Variants in BFAR observed in about 807,000 individuals in gnomAD.
BFAR encodes the protein RING finger protein 47.
BFAR carries 52 observed loss-of-function variants against 54.4 expected under a neutral mutation model. The observed-to-expected ratio is 0.96, with a 90% CI of 0.77 to 1.21. The LOEUF (loss-of-function observed/expected upper bound fraction) is 1.21, where lower values mean the gene tolerates loss of function less well. Ranked by LOEUF, BFAR falls within the 50% of genes most tolerant of loss-of-function variation. The probability of loss-of-function intolerance (pLI) is 0.00; values close to 1 mark genes in which losing one functional copy is unlikely to be tolerated. For missense variants in BFAR, 571 were observed against 534.0 expected (o/e 1.07, Z -0.68); for synonymous variants, 215 against 204.3 (o/e 1.05, Z -0.45).
rs1567498379 is a variant in BFAR at position 14,667,863 on chromosome 16, C to T, written c.*36C>T. 6.3e-7 allele frequency: 1 copy of T among 1,588,356 alleles called. No individual in the cohort carries two copies. The highest frequency in any genetic ancestry group is 8.6e-7 in the Non-Finnish European group (1 of 1,158,194). ...CCAGGCTGAGACTCTTCAAGTCCCG[C>T]TGACGTCTGAGCTTTGATGCTTAAG... On this transcript the variant is annotated 3_prime_UTR_variant, in exon 8 of 8. Transcript: ENST00000261658.
chr16:14,648,566 G>T lies in BFAR; in HGVS notation c.442G>T (p.Val148Leu), dbSNP rs146162152. Residue 148 changes from valine (V) to leucine (L), a missense_variant, in exon 3 of 8, where the codon GTG (valine) becomes TTG (leucine). Coordinates refer to ENST00000261658, the MANE Select transcript of BFAR (RefSeq NM_016561.3). ...QQMGGGFFSG[V>L]LTALTGVAVV... ...GATGGGAGGGGGATTCTTTTCCGGT[G>T]TGCTCACAGCTTTAACTGGAGTGGC... The T allele has an allele frequency of 1.2e-6, 2 of 1,613,878 alleles. No homozygotes were observed. Among genetic ancestry groups the T allele is most frequent in the Non-Finnish European group, 8.5e-7 (1 of 1,179,948 alleles).
chr16:14,663,112 G>A (rs1385721134), intron 6 of BFAR, among the ~76,000 whole-genome samples: 1 of 152,204 alleles, frequency 6.6e-6, no homozygotes, highest in Non-Finnish European at 1.5e-5. Context: ...GGCCCAGAGC[G>A]CAGCGCCGGG....
At chr16:14,646,531 C>T (rs1959801428) in intron 2 of BFAR, among the ~76,000 whole-genome samples, 1 of 149,114 alleles carries the variant, frequency 6.7e-6, no homozygotes. Flanking sequence ...GGAGCTTCAC[C>T]CTTGTTGCCC....
At chr16:14,655,315 C>CTTAT (rs1015945552) in intron 5 of BFAR, 105 bp downstream of exon 5, 15 of 916,900 alleles carry the variant, frequency 1.6e-5, no homozygotes, top group South Asian at 9.1e-5. Flanking sequence ...AGTTTATGTA[C>CTTAT]TTATTTATTT....
Position 14,664,976 on chromosome 16 carries a change from T to A in BFAR, c.1065T>A (p.His355Gln), listed in dbSNP as rs1461934729. The A allele has an allele frequency of 6.2e-7, 1 of 1,613,422 alleles. No homozygotes were observed. Among genetic ancestry groups the A allele is most frequent in the South Asian group, 1.1e-5 (1 of 91,064 alleles). The change falls in exon 7 of 8, where the codon CAT (histidine) becomes CAA (glutamine). Residue 355 changes from histidine to glutamine, a missense_variant. Transcript: ENST00000261658. Reference sequence around the variant, plus strand: ...TTGCTTGGGACTGGTTGGAGGTCCATTACTGGACATCACGGTTTCTCATCA... The same window carrying A: ...TTGCTTGGGACTGGTTGGAGGTCCAATACTGGACATCACGGTTTCTCATCA... ...AEFAWDWLEV[H>Q]YWTSRFLIIN...
intron 1 of BFAR, among the ~76,000 whole-genome samples, chr16:14,634,427 AAGT>A (rs1374690134): frequency 2.6e-5 from 4 of 152,192 alleles, no homozygotes; most frequent in Admixed American, 1.3e-4. Flanking sequence ...CAGTGCCACT[AAGT>A]AGGTAGCCAT....
At chr16:14,660,584 C>CTTT (rs547361112) in intron 5 of BFAR, among the ~76,000 whole-genome samples, 32 of 117,406 alleles carry the variant, frequency 2.7e-4, no homozygotes, top group Non-Finnish European at 5.5e-4. Context: ...CGCACTCGGC[C>CTTT]TTTTTTTTTT....
intron 1 of BFAR, among the ~76,000 whole-genome samples, chr16:14,639,299 C>A (rs916466778): frequency 6.6e-6 from 1 of 152,076 alleles, no homozygotes; most frequent in East Asian, 1.9e-4. Flanking sequence ...CACCCCAGAA[C>A]TAAGAAATAA....
chr16:14,638,512 G>C (rs958298923), intron 1 of BFAR, among the ~76,000 whole-genome samples: 15 of 152,216 alleles, frequency 9.9e-5, no homozygotes, highest in African/African-American at 3.1e-4. Flanking sequence ...GAGTGAAGGG[G>C]TGCAACCATG....
chr16:14,664,253 C>T (rs1038695955), intron 6 of BFAR, among the ~76,000 whole-genome samples: 9 of 151,688 alleles, frequency 5.9e-5, no homozygotes, highest in East Asian at 1.9e-4. Context: ...TGCTTAGGGT[C>T]GGGATTTATG....
intron 3 of BFAR, 32 bp from the exon 4 acceptor site, chr16:14,649,772 C>T: frequency 1.3e-6 from 2 of 1,550,564 alleles, no homozygotes; most frequent in Non-Finnish European, 1.8e-6. Flanking sequence ...TCTGCCTCTC[C>T]ATGGTTTAAA....
chr16:14,646,214 C>T (rs769052626), intron 2 of BFAR, among the ~76,000 whole-genome samples: 12 of 151,828 alleles, frequency 7.9e-5, no homozygotes, highest in South Asian at 2.1e-4. Flanking sequence ...CCACCACGCC[C>T]GGCTAATTTT....
At chr16:14,635,199 G>A (rs1004230382) in intron 1 of BFAR, among the ~76,000 whole-genome samples, 3 of 152,184 alleles carry the variant, frequency 2.0e-5, no homozygotes, top group Non-Finnish European at 4.4e-5. Context: ...GCTGGGCATG[G>A]TGGTGGACGC....
chr16:14,661,868 G>A (rs1349896868), intron 5 of BFAR, 24 bp from the exon 6 acceptor site: 2 of 1,613,562 alleles, frequency 1.2e-6, no homozygotes, highest in East Asian at 4.5e-5. Context: ...TTGTAATGTG[G>A]CCCTGTACTC....
intron 5 of BFAR, among the ~76,000 whole-genome samples, chr16:14,660,070 A>C (rs1349188883): frequency 6.6e-6 from 1 of 152,168 alleles, no homozygotes; most frequent in Admixed American, 6.6e-5. Context: ...GAAGATGGGG[A>C]ACATCTCCGT....
intron 1 of BFAR, among the ~76,000 whole-genome samples, chr16:14,634,813 T>C (rs1284073781): frequency 6.6e-6 from 1 of 152,176 alleles, no homozygotes; most frequent in Non-Finnish European, 1.5e-5. Flanking sequence ...GACCATACTG[T>C]TTCAACTCTA....
At chr16:14,663,311 C>T (rs1284281690) in intron 6 of BFAR, among the ~76,000 whole-genome samples, 1 of 151,014 alleles carries the variant, frequency 6.6e-6, no homozygotes, top group African/African-American at 2.4e-5. Flanking sequence ...CGAGCTCCAA[C>T]AGCCTCTGCC....
chr16:14,658,606 G>A (rs1026671140), intron 5 of BFAR, among the ~76,000 whole-genome samples: 3 of 151,894 alleles, frequency 2.0e-5, no homozygotes, highest in Non-Finnish European at 4.4e-5. Flanking sequence ...GGTGGTGGGC[G>A]CCTGTAGTCC....
Position 14,664,881 on chromosome 16 carries a change from C to G in BFAR, c.970C>G (p.Pro324Ala). ...IVTKLLDLKE[P>A]TWKQWREFLV... ...GTTATTTTTTAAGGATCTTAAGGAG[C>G]CTACGTGGAAGCAGTGGAGAGAGTT... is the stretch of plus-strand genomic sequence containing the variant. Residue 324 changes from proline to alanine, a missense_variant, in exon 7 of 8, where the codon CCT becomes GCT. Physicochemically the swap from Pro to Ala is conservative, Grantham distance 27. Coordinates refer to ENST00000261658, the MANE Select transcript of BFAR (RefSeq NM_016561.3). 6.2e-7 allele frequency: 1 copy of G among 1,613,526 alleles called. No homozygotes were observed. The highest frequency in any genetic ancestry group is 8.5e-7 in the Non-Finnish European group (1 of 1,179,548).
Sources: gnomAD v4.1 joint callset for allele counts (sites outside exome capture counted in the v4.1 genomes callset) on GRCh38, gnomAD v4.1.1 for gene constraint, MANE v1.5 for transcripts, NCBI Gene and HGNC (gene_info 2026-07-23, HGNC 2026-07-21) for gene names.